The following APBB2 variants were observed in gnomAD, a reference collection of about 807,000 sequenced individuals.
The protein encoded by APBB2 is Fe65-like 1.
In APBB2, 38 loss-of-function variants were observed where a neutral mutation model predicts 82.5. The observed-to-expected ratio is 0.46, with a 90% CI of 0.36 to 0.60. The LOEUF is 0.60. Among genes scored for constraint, APBB2 ranks in the 20% least tolerant of loss-of-function variants. The pLI, the probability that APBB2 is intolerant of heterozygous loss-of-function variation, is 0.00. For synonymous variants in APBB2, 341 were observed against 368.2 expected, an observed-to-expected ratio of 0.93 and a Z score of 0.85; for missense variants, 772 against 972.3, an observed-to-expected ratio of 0.79 and a Z score of 2.74.
At chr4:40,822,837 G>A (rs979549905) in intron 16 of APBB2, among the ~76,000 whole-genome samples, 2 of 152,184 alleles carry the variant, frequency 1.3e-5, no homozygotes, top group Non-Finnish European at 2.9e-5. Flanking sequence ...AGGAGGCTGT[G>A]GTGGTGATCT....
chr4:40,835,870 G>T (rs528587557), intron 12 of APBB2, among the ~76,000 whole-genome samples: 1 of 152,330 alleles, frequency 6.6e-6, no homozygotes, highest in South Asian at 2.1e-4. Context: ...AAGGATAGCT[G>T]GCAGGAGTGG....
chr4:40,985,577 G>C (rs772661627), intron 6 of APBB2, among the ~76,000 whole-genome samples: 2 of 152,022 alleles, frequency 1.3e-5, no homozygotes, highest in Non-Finnish European at 2.9e-5. Context: ...ACCCACTTTA[G>C]TTATATTGAA....
chr4:41,109,925 A>C (rs922373406), intron 2 of APBB2, among the ~76,000 whole-genome samples: 2 of 152,166 alleles, frequency 1.3e-5, no homozygotes, highest in East Asian at 3.9e-4. Flanking sequence ...CCTAATATCA[A>C]GGTGCTTTGT....
chr4:41,013,822 G>C lies in APBB2; in HGVS notation c.596C>G (p.Thr199Ser). Residue 199 changes from threonine (T) to serine (S), a missense_variant, in exon 6 of 18, where the codon ACC (threonine) becomes AGC (serine). Coordinates refer to ENST00000508593, the MANE Select transcript of APBB2 (RefSeq NM_004307.2). ...KSQPVQGQAS[T>S]IIGNGDLLLQ... Reference sequence around the variant, plus strand: ...CAGCAAATCGCCATTCCCAATGATGGTGGAGGCCTGGCCCTGGACTGGCTG... The same window carrying C: ...CAGCAAATCGCCATTCCCAATGATGCTGGAGGCCTGGCCCTGGACTGGCTG... 2 of 1,614,220 alleles carry C rather than the reference G, an allele frequency of 1.2e-6. No homozygotes were observed. Among genetic ancestry groups the C allele is most frequent in the Non-Finnish European group, 1.7e-6 (2 of 1,180,052 alleles).
intron 10 of APBB2, among the ~76,000 whole-genome samples, chr4:40,895,923 G>A (rs1773540888): frequency 6.6e-6 from 1 of 152,176 alleles, no homozygotes; most frequent in African/African-American, 2.4e-5. Context: ...GTAGATCCAG[G>A]ATTCAAACCT....
intron 1 of APBB2, among the ~76,000 whole-genome samples, chr4:41,181,531 A>T (rs898512143): frequency 3.3e-5 from 5 of 152,196 alleles, no homozygotes; most frequent in Admixed American, 3.3e-4. Flanking sequence ...TTTAGGTCAA[A>T]TATTTCTTCC....
chr4:40,872,610 C>G (rs1043200792), intron 12 of APBB2, among the ~76,000 whole-genome samples: 15 of 151,974 alleles, frequency 9.9e-5, no homozygotes, highest in Non-Finnish European at 1.5e-4. Flanking sequence ...TCCAATAAAT[C>G]CCCAGAAAGC....
At chr4:40,947,669 A>C (rs1788823080) in intron 6 of APBB2, among the ~76,000 whole-genome samples, 1 of 152,266 alleles carries the variant, frequency 6.6e-6, no homozygotes, top group South Asian at 2.1e-4. Flanking sequence ...TGCTGGTGAC[A>C]GATGCAAAGT....
intron 12 of APBB2, among the ~76,000 whole-genome samples, chr4:40,871,687 G>A (rs1201379844): frequency 6.6e-6 from 1 of 152,166 alleles, no homozygotes; most frequent in Non-Finnish European, 1.5e-5. Flanking sequence ...GTCCTGAAAG[G>A]ACTAATGGAG....
chr4:40,833,832 C>T (rs927255855), intron 12 of APBB2, among the ~76,000 whole-genome samples: 1 of 152,162 alleles, frequency 6.6e-6, no homozygotes, highest in African/African-American at 2.4e-5. Context: ...GCTGGCAGGC[C>T]CCAGCGTGCA....
chr4:41,128,189 G>T (rs1754937632), intron 2 of APBB2, among the ~76,000 whole-genome samples: 1 of 152,140 alleles, frequency 6.6e-6, no homozygotes, highest in Non-Finnish European at 1.5e-5. Context: ...CTAATCATCA[G>T]AGAAATGCAA....
chr4:41,204,800 G>A (rs1280833507), intron 1 of APBB2, among the ~76,000 whole-genome samples: 2 of 152,188 alleles, frequency 1.3e-5, no homozygotes, highest in South Asian at 4.1e-4. Flanking sequence ...ATTCAGGGGA[G>A]AGATGACTGT....
At chr4:40,905,187 CG>C (rs1560852233) in intron 10 of APBB2, among the ~76,000 whole-genome samples, 1 of 152,126 alleles carries the variant, frequency 6.6e-6, no homozygotes, top group Non-Finnish European at 1.5e-5. Flanking sequence ...ATATCGCCCA[CG>C]ATATCCATCT....
chr4:40,869,972 C>T (rs1295307322), intron 12 of APBB2, among the ~76,000 whole-genome samples: 1 of 151,768 alleles, frequency 6.6e-6, no homozygotes, highest in Non-Finnish European at 1.5e-5. Context: ...TGAATATGGA[C>T]TACATTTCAC....
intron 17 of APBB2, among the ~76,000 whole-genome samples, chr4:40,820,864 A>G (rs1204922538): frequency 6.6e-6 from 1 of 151,442 alleles, no homozygotes; most frequent in Non-Finnish European, 1.5e-5. Flanking sequence ...GCCCACACTC[A>G]TATAGCTCCC....
intron 7 of APBB2, among the ~76,000 whole-genome samples, chr4:40,942,625 GGAGGCC>G (rs1787315146): frequency 2.0e-5 from 3 of 152,200 alleles, no homozygotes; most frequent in Admixed American, 2.0e-4. Context: ...AGAGCAGTGA[GGAGGCC>G]GAGCAGCGGG....
intron 10 of APBB2, among the ~76,000 whole-genome samples, chr4:40,907,386 T>A (rs1198031245): frequency 0.018 from 1,306 of 71,222 alleles, 6 homozygotes; most frequent in South Asian, 0.026. Flanking sequence ...TATATTTTTT[T>A]TTTTTTTTTT....
chr4:40,953,790 C>A (rs1206033297), intron 6 of APBB2, among the ~76,000 whole-genome samples: 1 of 152,186 alleles, frequency 6.6e-6, no homozygotes, highest in East Asian at 1.9e-4. Flanking sequence ...CACCTGCTGA[C>A]AGGGGACAGG....
chr4:40,950,519 C>T (rs1300210088), intron 6 of APBB2, among the ~76,000 whole-genome samples: 1 of 152,292 alleles, frequency 6.6e-6, no homozygotes, highest in East Asian at 1.9e-4. Context: ...TAAGACCAGC[C>T]TGGGTAACAC....
Sources: allele counts gnomAD v4.1 joint callset (sites outside exome capture counted in the v4.1 genomes callset), GRCh38; gene constraint gnomAD v4.1.1; transcripts MANE v1.5; gene names NCBI Gene and HGNC (gene_info 2026-07-23, HGNC 2026-07-21).